Variants in ABCC9 observed in about 807,000 individuals in gnomAD.
ABCC9 encodes the protein ATP-binding cassette sub-family C member 9.
In ABCC9, 95 loss-of-function variants were observed where a neutral mutation model predicts 188.3. The observed-to-expected ratio is 0.50, with a 90% CI of 0.43 to 0.60. The LOEUF is 0.60. ABCC9 is among the 20% of genes least tolerant of loss of function. The pLI is 0.00. For synonymous variants in ABCC9, 659 were observed against 652.7 expected, an observed-to-expected ratio of 1.01 and a Z score of -0.15; for missense variants, 1,102 against 1,876.3, an observed-to-expected ratio of 0.59 and a Z score of 7.62.
chr12:21,807,176 A>G (rs1291409580), intron 38 of ABCC9, among the ~76,000 whole-genome samples, 170 bp downstream of exon 38: 2 of 152,172 alleles, frequency 1.3e-5, no homozygotes, highest in Non-Finnish European at 2.9e-5. Flanking sequence ...GTTGGGCCCT[A>G]TTTATTGTAA....
chr12:21,852,579 G>C, intron 22 of ABCC9, 74 bp from the exon 23 acceptor site: 4 of 1,531,942 alleles, frequency 2.6e-6, no homozygotes, highest in Non-Finnish European at 3.6e-6. Flanking sequence ...CTCGAAAATA[G>C]TAATACAAAT....
In ABCC9 at chr12:21,936,575, G is replaced by A. The variant is rs1565502008; in HGVS notation, c.100C>T (p.His34Tyr). The A allele has an allele frequency of 6.2e-7, 1 of 1,613,214 alleles. No homozygotes were observed. The highest frequency in any genetic ancestry group is 1.7e-4 in the Middle Eastern group (1 of 6,056). ...CFVDALNLVP[H>Y]VFLLFITFPI... is the part of the protein sequence containing the mutation. ...AAAGTGATAAACAACAGAAAGACAT[G>A]AGGGACCAGGTTGAGGGCATCCACA... The change falls in exon 3 of 40, where the codon CAT (histidine) becomes TAT (tyrosine). Residue 34 changes from histidine to tyrosine, a missense_variant. His to Tyr is a moderately conservative substitution (Grantham distance 83). Around this residue, in one of 12 missense-constraint regions of ABCC9, gnomAD observed 305 missense variants for 573.0 expected, o/e 0.53. Transcript: ENST00000261200.
At chr12:21,856,497 A>C (rs921060797) in intron 22 of ABCC9, among the ~76,000 whole-genome samples, 1 of 52,956 alleles carries the variant, frequency 1.9e-5, no homozygotes, top group Non-Finnish European at 3.6e-5. Context: ...GATGCAATGA[A>C]GTTTTCAAAA....
At chr12:21,810,851 G>A (rs1337783104) in intron 36 of ABCC9, among the ~76,000 whole-genome samples, 2 of 152,080 alleles carry the variant, frequency 1.3e-5, no homozygotes, top group Non-Finnish European at 2.9e-5. Flanking sequence ...TAAATACTAG[G>A]CAATCTTACA....
At chr12:21,923,144 G>A (rs1204587506) in intron 5 of ABCC9, 4 of 146,498 alleles carry the variant, frequency 2.7e-5, no homozygotes, top group African/African-American at 1.0e-4. Context: ...AATTTAGAAA[G>A]AATCGTAGTC....
intron 5 of ABCC9, among the ~76,000 whole-genome samples, chr12:21,917,402 A>G (rs968582773): frequency 2.6e-5 from 4 of 152,200 alleles, no homozygotes; most frequent in Non-Finnish European, 2.9e-5. Flanking sequence ...GTGTAAGTCT[A>G]TAAATTTTAA....
chr12:21,845,699 A>T lies in ABCC9; in HGVS notation c.3000T>A (p.Ser1000=). Reference sequence around the variant, plus strand: ...CAATGACCGAATGCTTCAAAAGCTTAGAGAAAATCATCAGGATGAGCAGGA... The same window carrying T: ...CAATGACCGAATGCTTCAAAAGCTTTGAGAAAATCATCAGGATGAGCAGGA... The part of the protein sequence containing the change: ...GFFLLILMIF[S]KLLKHSVIVA... Residue 1000 remains serine (S), a synonymous_variant, in exon 26 of 40, where the codon TCT becomes TCA. Transcript: ENST00000261200. The T allele has an allele frequency of 6.2e-7, 1 of 1,613,912 alleles. No individual in the cohort carries two copies. The highest frequency in any genetic ancestry group is 8.5e-7 in the Non-Finnish European group (1 of 1,179,852).
intron 14 of ABCC9, among the ~76,000 whole-genome samples, chr12:21,891,538 T>C (rs967995715): frequency 4.6e-5 from 7 of 152,288 alleles, no homozygotes; most frequent in African/African-American, 1.2e-4. Context: ...GTCTCAGCCA[T>C]TGAATGCCAT....
chr12:21,932,367 C>T (rs1339600345), intron 4 of ABCC9, among the ~76,000 whole-genome samples: 1 of 151,808 alleles, frequency 6.6e-6, no homozygotes, highest in East Asian at 1.9e-4. Flanking sequence ...AGCAAAGATT[C>T]CATGACAAAG....
At chr12:21,843,159 A>G (rs1021188264) in intron 28 of ABCC9, among the ~76,000 whole-genome samples, 1 of 152,114 alleles carries the variant, frequency 6.6e-6, no homozygotes, top group Non-Finnish European at 1.5e-5. Context: ...CCACCCCAAG[A>G]TTCTAAAACT....
At chr12:21,812,486 T>C (rs977512690) in intron 35 of ABCC9, among the ~76,000 whole-genome samples, 2 of 152,204 alleles carry the variant, frequency 1.3e-5, no homozygotes, top group African/African-American at 4.8e-5. Context: ...AAAGAAAATA[T>C]GGCACATATA....
chr12:21,928,348 AAGAG>A (rs758079259), intron 4 of ABCC9, among the ~76,000 whole-genome samples: 7 of 130,704 alleles, frequency 5.4e-5, no homozygotes, highest in Non-Finnish European at 6.5e-5. Context: ...AGGGAAGAAA[AAGAG>A]AAAGAAAGAA....
chr12:21,897,338 G>A lies in ABCC9; in HGVS notation c.1619-2023C>T, dbSNP rs559651861. Among the ~76,000 whole-genome samples, 23 of 152,130 alleles carry A rather than the reference G, an allele frequency of 1.5e-4. No homozygotes were observed. In the South Asian group the frequency reaches 4.4e-3, roughly 29 times the overall value. On this transcript the variant is annotated intron_variant, in intron 12 of 39. Transcript: ENST00000261200. ...TAGACAATTTTCAGATGGATAGATC[G>A]CAAACATTTCCTCCCATTTTGTAGT...
chr12:21,829,245 A>G (rs1009944278), intron 30 of ABCC9, among the ~76,000 whole-genome samples, 185 bp from the exon 31 acceptor site: 4 of 112,544 alleles, frequency 3.6e-5, no homozygotes, highest in Admixed American at 1.4e-4. Context: ...TCTGTTGCCC[A>G]GGCTGGAGTG....
At chr12:21,894,275 C>G in intron 13 of ABCC9, 101 bp from the exon 14 acceptor site, 10 of 1,287,068 alleles carry the variant, frequency 7.8e-6, no homozygotes, top group Non-Finnish European at 1.0e-5. Context: ...GCCAGTATGT[C>G]CATTGTAACT....
At chr12:21,813,860 G>C (rs1368311029) in intron 35 of ABCC9, among the ~76,000 whole-genome samples, 1 of 151,738 alleles carries the variant, frequency 6.6e-6, no homozygotes, top group African/African-American at 2.4e-5. Context: ...AAACTGTCAA[G>C]TACAATAAAC....
At chr12:21,827,545 C>CAT (rs1013141334) in intron 31 of ABCC9, 3 of 150,240 alleles carry the variant, frequency 2.0e-5, no homozygotes, top group African/African-American at 7.5e-5. Flanking sequence ...CACACACACA[C>CAT]ACACACACAC....
At chr12:21,838,725 C>T (rs771334537) in intron 29 of ABCC9, among the ~76,000 whole-genome samples, 8 of 152,120 alleles carry the variant, frequency 5.3e-5, no homozygotes, top group Non-Finnish European at 1.0e-4. Flanking sequence ...TGAAAAAAAT[C>T]GCTGAAGACT....
chr12:21,866,061 A>G (rs1945763074), intron 18 of ABCC9, among the ~76,000 whole-genome samples: 1 of 151,824 alleles, frequency 6.6e-6, no homozygotes, highest in Non-Finnish European at 1.5e-5. Flanking sequence ...GCTAGATGAA[A>G]AAAAAAAAAG....
Sources: gnomAD v4.1 joint callset for allele counts (sites outside exome capture counted in the v4.1 genomes callset) on GRCh38, gnomAD v4.1.1 for gene constraint, gnomAD v4.1.1 regional missense constraint, MANE v1.5 for transcripts, NCBI Gene and HGNC (gene_info 2026-07-23, HGNC 2026-07-21) for gene names.